Variants in ERC1 observed in about 807,000 individuals in gnomAD.
ERC1 encodes ELKS/RAB6-interacting/CAST family member 1, also known as RAB6 interacting protein 2.
ERC1 carries 56 observed loss-of-function variants against 132.0 expected under a neutral mutation model. That is an observed-to-expected ratio of 0.42 (90% CI 0.34 to 0.53). The LOEUF is 0.53. Ranked by LOEUF, ERC1 falls within the 20% of genes least tolerant of loss-of-function variation. The pLI is 0.03. For missense variants in ERC1, 1,202 were observed against 1,349.9 expected, an observed-to-expected ratio of 0.89 and a Z score of 1.72; for synonymous variants, 478 against 476.1, an observed-to-expected ratio of 1.00 and a Z score of -0.05.
chr12:1,219,372 C>T (rs1025306844), intron 12 of ERC1, among the ~76,000 whole-genome samples: 3 of 152,196 alleles, frequency 2.0e-5, no homozygotes, highest in South Asian at 2.1e-4. Flanking sequence ...CAGTTTCCCA[C>T]CCTCAATAAA....
intron 2 of ERC1, among the ~76,000 whole-genome samples, chr12:1,033,796 A>AT (rs1209591992): frequency 2.0e-5 from 3 of 151,944 alleles, no homozygotes; most frequent in Non-Finnish European, 4.4e-5. Context: ...CGCCTGGCTA[A>AT]TTTTTTGTAT....
At chr12:1,205,418 T>C (rs1957270856) in intron 12 of ERC1, among the ~76,000 whole-genome samples, 1 of 149,260 alleles carries the variant, frequency 6.7e-6, no homozygotes, top group African/African-American at 2.5e-5. Flanking sequence ...TGTGTGTATA[T>C]ATATATATAT....
intron 1 of ERC1, among the ~76,000 whole-genome samples, chr12:1,016,341 T>C (rs200173486): frequency 6.6e-6 from 1 of 152,348 alleles, no homozygotes; most frequent in East Asian, 1.9e-4. Context: ...ATTTTTTTGC[T>C]TTCATTTGTC....
intron 12 of ERC1, among the ~76,000 whole-genome samples, chr12:1,227,302 G>T (rs2074659293): frequency 6.6e-6 from 1 of 152,094 alleles, no homozygotes; most frequent in Non-Finnish European, 1.5e-5. Flanking sequence ...GTTATCTTTT[G>T]TCTTTTTCAT....
intron 17 of ERC1, among the ~76,000 whole-genome samples, chr12:1,420,833 A>T (rs561499362): frequency 6.6e-6 from 1 of 151,032 alleles, no homozygotes; most frequent in South Asian, 2.1e-4. Flanking sequence ...CTTTGTGAGA[A>T]GAACAGTGTG....
chr12:1,393,480 G>T (rs937064657), intron 16 of ERC1, among the ~76,000 whole-genome samples: 2 of 152,208 alleles, frequency 1.3e-5, no homozygotes, highest in Non-Finnish European at 2.9e-5. Flanking sequence ...GCTGCAGTGA[G>T]CTATGATTGT....
chr12:1,440,451 C>CAGA (rs2093098219), intron 17 of ERC1, among the ~76,000 whole-genome samples: 1 of 150,752 alleles, frequency 6.6e-6, no homozygotes, highest in Non-Finnish European at 1.5e-5. Flanking sequence ...CGTGATCTGC[C>CAGA]CTCCTTGGCC....
intron 4 of ERC1, among the ~76,000 whole-genome samples, 187 bp downstream of exon 4, chr12:1,105,011 A>G (rs1293624198): frequency 6.6e-6 from 1 of 152,242 alleles, no homozygotes; most frequent in Non-Finnish European, 1.5e-5. Context: ...CTTGTAGACC[A>G]TAATTCAAAT....
chr12:1,435,348 G>C (rs2092919769), intron 17 of ERC1, among the ~76,000 whole-genome samples: 2 of 152,110 alleles, frequency 1.3e-5, no homozygotes, highest in African/African-American at 4.8e-5. Flanking sequence ...AAGAAAGGAA[G>C]AGAATAATAG....
chr12:1,463,150 G>A (rs184469466), intron 18 of ERC1, among the ~76,000 whole-genome samples: 87 of 152,136 alleles, frequency 5.7e-4, no homozygotes, highest in East Asian at 2.1e-3. Context: ...TTGTTTTCTC[G>A]GTTTTGCTCA....
intron 7 of ERC1, among the ~76,000 whole-genome samples, chr12:1,127,355 T>A (rs573857771): frequency 6.6e-6 from 1 of 152,266 alleles, no homozygotes; most frequent in East Asian, 1.9e-4. Context: ...CAGTATTATT[T>A]GTGGGAAGAA....
At chr12:1,262,215 A>G (rs988538809) in intron 13 of ERC1, among the ~76,000 whole-genome samples, 7 of 152,226 alleles carry the variant, frequency 4.6e-5, no homozygotes, top group Admixed American at 1.3e-4. Context: ...GGAAGTGCCT[A>G]TAATAACCTG....
At chr12:1,237,686 T>A (rs1048154028) in intron 13 of ERC1, among the ~76,000 whole-genome samples, 4 of 152,242 alleles carry the variant, frequency 2.6e-5, no homozygotes, top group African/African-American at 9.6e-5. Flanking sequence ...GGCTCAGCCA[T>A]GATTTTAACT....
intron 12 of ERC1, among the ~76,000 whole-genome samples, chr12:1,222,290 C>T (rs772780981): frequency 2.7e-5 from 4 of 150,692 alleles, no homozygotes; most frequent in South Asian, 2.1e-4. Context: ...AGAGCAGTGG[C>T]GCGATCTTGG....
intron 16 of ERC1, among the ~76,000 whole-genome samples, chr12:1,391,991 T>A (rs1157204598): frequency 6.6e-6 from 1 of 152,200 alleles, no homozygotes; most frequent in Admixed American, 6.5e-5. Context: ...GTTCTTGTTG[T>A]ACTTTTATAC....
chr12:1,239,109 A>G (rs537516267), intron 13 of ERC1, among the ~76,000 whole-genome samples: 1 of 151,584 alleles, frequency 6.6e-6, no homozygotes, highest in Non-Finnish European at 1.5e-5. Flanking sequence ...CTGTTTGTTT[A>G]TTTATTTATT....
At chr12:1,446,844 A>G (rs1304539888) in intron 18 of ERC1, among the ~76,000 whole-genome samples, 1 of 152,138 alleles carries the variant, frequency 6.6e-6, no homozygotes, top group Non-Finnish European at 1.5e-5. Flanking sequence ...TTGAAAGAGG[A>G]AAAAAATGTA....
At chr12:1,361,430 A>C (rs1197089634) in intron 15 of ERC1, among the ~76,000 whole-genome samples, 1 of 152,140 alleles carries the variant, frequency 6.6e-6, no homozygotes, top group Admixed American at 6.5e-5. Context: ...AAAAAATAAA[A>C]ATTAAATTAA....
chr12:996,623 A>G (rs907107185), intron 1 of ERC1, among the ~76,000 whole-genome samples: 7 of 152,152 alleles, frequency 4.6e-5, no homozygotes, highest in African/African-American at 1.7e-4. Flanking sequence ...TTTTCAGAAC[A>G]AAATAGGCAA....
Sources: allele counts gnomAD v4.1 joint callset (sites outside exome capture counted in the v4.1 genomes callset), GRCh38; gene constraint gnomAD v4.1.1; transcripts MANE v1.5; gene names NCBI Gene and HGNC (gene_info 2026-07-23, HGNC 2026-07-21).